KLK12: variants seen among roughly 807,000 people sequenced by gnomAD.
The protein encoded by KLK12 is kallikrein related peptidase 12.
A neutral mutation model predicts 20.0 loss-of-function variants in KLK12; 23 were observed. The ratio of observed to expected loss-of-function variants is 1.15; its 90% confidence interval spans 0.83 to 1.63. The LOEUF (loss-of-function observed/expected upper bound fraction) is 1.63. Ranked by LOEUF, KLK12 falls within the 40% of genes most tolerant of loss-of-function variation. The probability of loss-of-function intolerance (pLI) is 0.00; values close to 1 mark genes in which losing one functional copy is unlikely to be tolerated. For missense variants in KLK12, 351 were observed against 338.6 expected, an observed-to-expected ratio of 1.04 and a Z score of -0.29; for synonymous variants, 147 against 141.9, an observed-to-expected ratio of 1.04 and a Z score of -0.25.
Position 51,029,350 on chromosome 19 carries a change from A to G in KLK12, c.699T>C (p.Tyr233=), listed in dbSNP as rs1004897692. Residue 233 remains tyrosine (Y), a synonymous_variant, in exon 6 of 6, where the codon TAT becomes TAC. Coordinates refer to ENST00000684732, the MANE Select transcript of KLK12 (RefSeq NM_001370125.1). ...GQDGIPGVYT[Y]ICKYVDWIRM... is the part of the protein sequence containing the mutation. ...GGATCCAGTCCACATACTTGCAAAT[A>G]TAGGTGTAGACTCCAGGGATGCCAT... 5 of 1,614,102 alleles carry G rather than the reference A, an allele frequency of 3.1e-6. No homozygotes were observed. Among genetic ancestry groups the G allele is most frequent in the Non-Finnish European group, 4.2e-6 (5 of 1,180,006 alleles).
intron 5 of KLK12, 75 bp from the exon 6 acceptor site, chr19:51,029,532 A>C (rs1347125070): frequency 2.4e-6 from 3 of 1,262,888 alleles, no homozygotes; most frequent in African/African-American, 1.5e-5. Context: ...CCTTCAACCC[A>C]GTCCTGGGCC....
intron 3 of KLK12, among the ~76,000 whole-genome samples, chr19:51,033,623 T>G (rs906315398): frequency 3.3e-5 from 5 of 149,894 alleles, no homozygotes; most frequent in Non-Finnish European, 7.4e-5. Flanking sequence ...CTCAAAAAAA[T>G]AAAAAAAAGA....
intron 2 of KLK12, 147 bp from the exon 3 acceptor site, chr19:51,034,286 T>C (rs546369265): frequency 4.1e-5 from 48 of 1,172,552 alleles, no homozygotes; most frequent in South Asian, 2.0e-4. Flanking sequence ...GACCCAGTGA[T>C]AGAAAAAGAC....
intron 5 of KLK12, 68 bp downstream of exon 5, chr19:51,030,720 T>C: frequency 6.3e-7 from 1 of 1,598,076 alleles, no homozygotes; most frequent in Non-Finnish European, 8.5e-7. Context: ...TCAGTTCCCC[T>C]CCTGCTTCCA....
chr19:51,030,948 G>A (rs368907311), intron 4 of KLK12, 27 bp from the exon 5 acceptor site: 125 of 1,613,588 alleles, frequency 7.7e-5, no homozygotes, highest in Non-Finnish European at 8.4e-5. Flanking sequence ...CGTGCTGCAG[G>A]GTCCCCTAAA....
chr19:51,031,046 C>A, intron 4 of KLK12, 125 bp from the exon 5 acceptor site: 1 of 1,030,320 alleles, frequency 9.7e-7, no homozygotes, highest in East Asian at 2.4e-5. Context: ...GTACTACAAT[C>A]CCGAAACCTC....
Position 51,034,185 on chromosome 19 carries a change from C to G in KLK12, c.38-46G>C, listed in dbSNP as rs900570104. On this transcript the variant is annotated intron_variant, in intron 2 of 5. Coordinates refer to ENST00000684732, the MANE Select transcript of KLK12 (RefSeq NM_001370125.1). The stretch of plus-strand genomic sequence containing the variant: ...GGGTCAGAGAGAGGAAGAAAAGATA[C>G]AGAGATGGAGAGACACACAGAGTGA... 3.9e-5 allele frequency: 60 copies of G among 1,540,274 alleles called. No individual in the cohort carries two copies. In the Admixed American group the frequency reaches 1.2e-3, roughly 30 times the overall value.
chr19:51,029,708 G>A (rs541545069), intron 5 of KLK12, among the ~76,000 whole-genome samples: 2 of 152,232 alleles, frequency 1.3e-5, no homozygotes, highest in East Asian at 3.9e-4. Flanking sequence ...AAGGACAATG[G>A]CTGGGGCCCT....
intron 4 of KLK12, 109 bp from the exon 5 acceptor site, chr19:51,031,030 C>T: frequency 1.6e-6 from 2 of 1,274,240 alleles, no homozygotes; most frequent in South Asian, 2.4e-5. Context: ...TGCCCCTCAC[C>T]GACCTGTACT....
chr19:51,031,555 C>T (rs1023822263), intron 4 of KLK12, among the ~76,000 whole-genome samples: 10 of 145,992 alleles, frequency 6.8e-5, no homozygotes, highest in African/African-American at 2.5e-4. Flanking sequence ...TGACCTCTAA[C>T]CCCAGACCCA....
intron 3 of KLK12, 162 bp downstream of exon 3, chr19:51,033,817 AC>A: frequency 1.3e-6 from 1 of 767,440 alleles, no homozygotes. Flanking sequence ...GCCCAGCACC[AC>A]CCCAGGCCCA....
rs1477024465 is a variant in KLK12 at position 51,029,388 on chromosome 19, G to A, written c.661C>T (p.Pro221Ser). ...QGLVSWGSVG[P>S]CGQDGIPGVY... is the part of the protein sequence containing the mutation. ...CCAGGGATGCCATCTTGTCCACAGG[G>A]CCCCACAGACCCCCAGGACACCAGA... Residue 221 changes from proline (P) to serine (S), a missense_variant, in exon 6 of 6, where the codon CCC (proline) becomes TCC (serine). By Grantham distance (74) the Pro-to-Ser change is moderately conservative. Transcript: ENST00000684732. The A allele has an allele frequency of 1.2e-6, 2 of 1,613,280 alleles. No homozygotes were observed. Among genetic ancestry groups the A allele is most frequent in the East Asian group, 2.2e-5 (1 of 44,838 alleles).
chr19:51,030,978 C>A, intron 4 of KLK12, 57 bp from the exon 5 acceptor site: 1 of 1,609,102 alleles, frequency 6.2e-7, no homozygotes, highest in Non-Finnish European at 8.5e-7. Context: ...TTTGAGGCCA[C>A]GTCCCTCTTC....
At chr19:51,031,450 T>A (rs2091556254) in intron 4 of KLK12, among the ~76,000 whole-genome samples, 2 of 151,744 alleles carry the variant, frequency 1.3e-5, no homozygotes, top group Non-Finnish European at 2.9e-5. Flanking sequence ...TGACCTCCAA[T>A]CTCAGATATG....
chr19:51,034,099 A>G lies in KLK12; in HGVS notation c.78T>C (p.Thr26=), dbSNP rs2122623797. Residue 26 remains threonine, a synonymous_variant, in exon 3 of 6, where the codon ACT becomes ACC. Coordinates refer to ENST00000684732, the MANE Select transcript of KLK12 (RefSeq NM_001370125.1). ...ACGGCTGTGAGTTACGCCCACACTC[A>G]GTGCCATTGAAAATCTTCGGTGTGG... The part of the protein sequence containing the change: ...QAATPKIFNG[T]ECGRNSQPWQ... 6.4e-7 allele frequency: 1 copy of G among 1,560,910 alleles called. No individual in the cohort carries two copies. Among genetic ancestry groups the G allele is most frequent in the East Asian group, 2.4e-5 (1 of 41,786 alleles).
chr19:51,034,600 G>T lies in KLK12; in HGVS notation c.22C>A (p.Leu8Ile), dbSNP rs774145235. MGLSIFLLLCVLGLSQAA... is the reference protein window; with the variant it reads MGLSIFLILCVLGLSQAA... ...GAGAACTCACCAAGAACACACAGGA[G>T]CAAAAAGATGCTGAGCCCCATGGTG... The change falls in exon 2 of 6, where the codon CTC (leucine) becomes ATC (isoleucine). Residue 8 changes from leucine (L) to isoleucine (I), a missense_variant. Coordinates refer to ENST00000684732, the MANE Select transcript of KLK12 (RefSeq NM_001370125.1). 7.4e-6 allele frequency: 12 copies of T among 1,611,710 alleles called. No homozygotes were observed. Among genetic ancestry groups the T allele is most frequent in the Non-Finnish European group, 5.1e-6 (6 of 1,179,118 alleles).
At chr19:51,034,519 GC>G in intron 2 of KLK12, 65 bp downstream of exon 2, 1 of 1,577,374 alleles carries the variant, frequency 6.3e-7, no homozygotes. Flanking sequence ...GGGTGGTGGG[GC>G]CTCCTCATGG....
chr19:51,034,155 G>GA lies in KLK12; in HGVS notation c.38-17_38-16insT. On this transcript the variant is annotated splice_polypyrimidine_tract_variant and intron_variant, in intron 2 of 5. Coordinates refer to ENST00000684732, the MANE Select transcript of KLK12 (RefSeq NM_001370125.1). Reference sequence around the variant, plus strand: ...TGGCTGAGCCCTGGAGACAGACAGGGGCATGGGTCAGAGAGAGGAAGAAAA... The same window carrying GA: ...TGGCTGAGCCCTGGAGACAGACAGGGAGCATGGGTCAGAGAGAGGAAGAAAA... 1 of 1,551,662 alleles carries GA rather than the reference G, an allele frequency of 6.4e-7. No homozygotes were observed.
chr19:51,029,207 G>A lies in KLK12; in HGVS notation c.*95C>T. Reference sequence around the variant, plus strand: ...CCAAGAAGTTCCCAGGCCAACAAGAGTGGAGCTAGGGGAAGTGATGGAGGA... The same window carrying A: ...CCAAGAAGTTCCCAGGCCAACAAGAATGGAGCTAGGGGAAGTGATGGAGGA... On this transcript the variant is annotated 3_prime_UTR_variant, in exon 6 of 6. Transcript: ENST00000684732. 6.2e-7 allele frequency: 1 copy of A among 1,614,160 alleles called. No individual in the cohort carries two copies. Among genetic ancestry groups the A allele is most frequent in the South Asian group, 1.1e-5 (1 of 91,088 alleles).
Sources: allele counts gnomAD v4.1 joint callset (sites outside exome capture counted in the v4.1 genomes callset), GRCh38; gene constraint gnomAD v4.1.1; transcripts MANE v1.5; gene names NCBI Gene and HGNC (gene_info 2026-07-23, HGNC 2026-07-21).